SLC15A5: variants seen among roughly 807,000 people sequenced by gnomAD.
The protein encoded by SLC15A5 is Peptide/histidine transporter ENSP00000340402.
A neutral mutation model predicts 56.1 loss-of-function variants in SLC15A5; 58 were observed. That is an observed-to-expected ratio of 1.03 (90% CI 0.84 to 1.29). The LOEUF (loss-of-function observed/expected upper bound fraction) is 1.29. Among genes scored for constraint, SLC15A5 ranks in the 50% most tolerant of loss-of-function variants. The probability of loss-of-function intolerance (pLI) is 0.00; values close to 1 mark genes in which losing one functional copy is unlikely to be tolerated. For synonymous variants in SLC15A5, 264 were observed against 250.5 expected, an observed-to-expected ratio of 1.05 and a Z score of -0.51; for missense variants, 681 against 672.1, an observed-to-expected ratio of 1.01 and a Z score of -0.15.
rs181840936 is a variant in SLC15A5 at position 16,237,571 on chromosome 12, C to G, written c.1162+2110G>C. ...CTTTTCTAAATCCAGAAAAAAAGTA[C>G]TCTTCTTTAGGAAGAGATGTGATTT... On this transcript the variant is annotated intron_variant, in intron 5 of 8. Coordinates refer to ENST00000344941, the MANE Select transcript of SLC15A5 (RefSeq NM_001170798.1). This position sits in a 1 kb window ranked among gnomAD's most constrained non-coding sequence, Gnocchi z 4.1. Among the ~76,000 whole-genome samples, 17 of 152,258 alleles carry G rather than the reference C, an allele frequency of 1.1e-4. No individual in the cohort carries two copies. The highest frequency in any genetic ancestry group is 2.2e-4 in the Non-Finnish European group (15 of 68,000).
chr12:16,239,453 C>T (rs1221363232), intron 5 of SLC15A5, among the ~76,000 whole-genome samples: 1 of 152,120 alleles, frequency 6.6e-6, no homozygotes, highest in Non-Finnish European at 1.5e-5. Context: ...CTCTTTATAT[C>T]AGGTGTGTCT....
At chr12:16,195,427 A>C (rs1433341027) in intron 7 of SLC15A5, among the ~76,000 whole-genome samples, 1 of 152,130 alleles carries the variant, frequency 6.6e-6, no homozygotes, top group Non-Finnish European at 1.5e-5. Context: ...TGCACTACAG[A>C]ATGCTTAAAA....
chr12:16,209,069 A>T (rs1864051143), intron 7 of SLC15A5, among the ~76,000 whole-genome samples: 1 of 145,404 alleles, frequency 6.9e-6, no homozygotes, highest in Non-Finnish European at 1.5e-5. Context: ...AATCCAATCT[A>T]GTTTTCATTT....
At chr12:16,239,209 T>C (rs1211587361) in intron 5 of SLC15A5, among the ~76,000 whole-genome samples, 2 of 150,526 alleles carry the variant, frequency 1.3e-5, no homozygotes, top group Non-Finnish European at 3.0e-5. Context: ...TATGTCCTAT[T>C]GATTATGTTC....
At position 16,243,076 on chromosome 12, in the gene SLC15A5, G is replaced by A. The variant is rs1864428258; in HGVS notation, c.975+1504C>T. Among the ~76,000 whole-genome samples the A allele has an allele frequency of 6.6e-6, 1 of 151,972 alleles. No individual in the cohort carries two copies. Among genetic ancestry groups the A allele is most frequent in the South Asian group, 2.1e-4 (1 of 4,826 alleles). ...AAATATGTCCACATATGGGTTCCGT[G>A]GCAATTACTCAACTCTGCTATTTTT... On this transcript the variant is annotated intron_variant, in intron 4 of 8. Transcript: ENST00000344941. The surrounding 1 kb of genome is among the most constrained non-coding windows in gnomAD (Gnocchi z 4.4).
intron 6 of SLC15A5, among the ~76,000 whole-genome samples, chr12:16,223,445 A>G (rs1373383530): frequency 2.6e-5 from 4 of 152,238 alleles, no homozygotes; most frequent in Non-Finnish European, 5.9e-5. Flanking sequence ...GTACACACAC[A>G]TTACTGTATT....
At chr12:16,228,505 C>G (rs765361460) in intron 5 of SLC15A5, among the ~76,000 whole-genome samples, 52 of 152,200 alleles carry the variant, frequency 3.4e-4, no homozygotes, top group Non-Finnish European at 5.9e-4. Context: ...CCCCCTACCT[C>G]CAAATACATC....
At chr12:16,217,766 A>G (rs1362260327) in intron 6 of SLC15A5, among the ~76,000 whole-genome samples, 2 of 152,076 alleles carry the variant, frequency 1.3e-5, no homozygotes, top group East Asian at 3.9e-4. Flanking sequence ...AATATGCATT[A>G]TCTCATTTCA....
At position 16,193,617 on chromosome 12, in the gene SLC15A5, G is replaced by A. The variant is rs566031525; in HGVS notation, c.1592+728C>T. Among the ~76,000 whole-genome samples the A allele has an allele frequency of 7.9e-5, 12 of 152,026 alleles. No individual in the cohort carries two copies. In the South Asian group the frequency reaches 2.5e-3, roughly 32 times the overall value. On this transcript the variant is annotated intron_variant, in intron 8 of 8. Transcript: ENST00000344941. ...AAGGAAGTGAGGAAAATGAAAATCT[G>A]CTTAGTTTCTGCTTCGTGACAGACA...
At chr12:16,253,087 A>G (rs1277338588) in intron 3 of SLC15A5, among the ~76,000 whole-genome samples, 2 of 152,132 alleles carry the variant, frequency 1.3e-5, no homozygotes, top group Non-Finnish European at 2.9e-5. Context: ...GGATATCCAC[A>G]TGCAAAAGAA....
chr12:16,259,023 CCTTTT>C (rs1864611068), intron 2 of SLC15A5, among the ~76,000 whole-genome samples: 5 of 48,252 alleles, frequency 1.0e-4, no homozygotes, highest in Non-Finnish European at 1.5e-4. Context: ...TTCTTTCTTT[CCTTTT>C]TTTTTTTTTT....
intron 2 of SLC15A5, among the ~76,000 whole-genome samples, chr12:16,265,129 G>A (rs925445702): frequency 1.3e-5 from 2 of 152,160 alleles, no homozygotes; most frequent in East Asian, 1.9e-4. Context: ...AAAGATTATT[G>A]TGTCAGCTTC....
chr12:16,201,218 CTT>C (rs1488678307), intron 7 of SLC15A5, among the ~76,000 whole-genome samples: 1 of 152,184 alleles, frequency 6.6e-6, no homozygotes, highest in East Asian at 1.9e-4. Flanking sequence ...TCCACTGACA[CTT>C]TTCACAGAAA....
intron 8 of SLC15A5, among the ~76,000 whole-genome samples, chr12:16,192,492 C>T (rs531293362): frequency 1.3e-5 from 2 of 152,182 alleles, no homozygotes; most frequent in East Asian, 3.9e-4. Context: ...CACTTCTTTA[C>T]AGGAACTCAC....
In SLC15A5 at chr12:16,189,707, T is replaced by C; in HGVS notation, c.1701A>G (p.Glu567=). The C allele has an allele frequency of 2.0e-6, 3 of 1,527,350 alleles. No homozygotes were observed. The highest frequency in any genetic ancestry group is 2.6e-6 in the Non-Finnish European group (3 of 1,142,596). The allele number at this position is 1,527,350 out of a possible 1,614,324, so 94.6% of individuals were successfully genotyped here. Residue 567 remains glutamate, a synonymous_variant, in exon 9 of 9, where the codon GAA becomes GAG. Coordinates refer to ENST00000344941, the MANE Select transcript of SLC15A5 (RefSeq NM_001170798.1). ...CCCAAAGATCAATACTTGAAGAAAA[T>C]TCCTGTATACTGCCATAAAATTTCA... The part of the protein sequence containing the change: ...KSLKFYGSIQ[E]FSSSIDLWET...
intron 3 of SLC15A5, among the ~76,000 whole-genome samples, chr12:16,251,657 G>GA (rs1410519467): frequency 2.0e-5 from 3 of 151,774 alleles, no homozygotes; most frequent in Non-Finnish European, 3.0e-5. Flanking sequence ...TAAAACTAGT[G>GA]AAAAGACTTA....
intron 7 of SLC15A5, among the ~76,000 whole-genome samples, chr12:16,208,395 G>C (rs556959882): frequency 1.8e-3 from 274 of 152,300 alleles, no homozygotes; most frequent in African/African-American, 6.4e-3. Context: ...TAAAGTATTA[G>C]GTGTGGTGGC....
intron 1 of SLC15A5, among the ~76,000 whole-genome samples, chr12:16,275,575 G>C (rs1036995333): frequency 4.6e-5 from 7 of 151,994 alleles, no homozygotes; most frequent in Non-Finnish European, 1.0e-4. Flanking sequence ...TTTTCAGCTA[G>C]GGTAGTAGCA....
chr12:16,231,622 C>A (rs1864300817), intron 5 of SLC15A5, among the ~76,000 whole-genome samples: 1 of 152,298 alleles, frequency 6.6e-6, no homozygotes, highest in African/African-American at 2.4e-5. Context: ...GTGAAATTGT[C>A]AAGTCTCCAA....
Sources: allele counts gnomAD v4.1 joint callset (sites outside exome capture counted in the v4.1 genomes callset), GRCh38; gene constraint gnomAD v4.1.1; non-coding constraint Gnocchi (gnomAD v3.1); transcripts MANE v1.5; gene names NCBI Gene and HGNC (gene_info 2026-07-23, HGNC 2026-07-21).